The following RAB11FIP4 variants were observed in gnomAD, a reference collection of about 807,000 sequenced individuals.
RAB11FIP4 encodes the protein rab11 family-interacting protein 4.
A neutral mutation model predicts 74.3 loss-of-function variants in RAB11FIP4; 23 were observed. The observed-to-expected ratio is 0.31, with a 90% confidence interval of 0.22 to 0.44. The LOEUF is 0.44. Among genes scored for constraint, RAB11FIP4 ranks in the 20% least tolerant of loss-of-function variants. The pLI is 1.00. For synonymous variants in RAB11FIP4, 360 were observed against 359.9 expected, an observed-to-expected ratio of 1.00 and a Z score of 0.00; for missense variants, 630 against 863.9, an observed-to-expected ratio of 0.73 and a Z score of 3.39.
intron 1 of RAB11FIP4, among the ~76,000 whole-genome samples, chr17:31,397,472 A>G (rs2070941740): frequency 6.6e-6 from 1 of 152,154 alleles, no homozygotes; most frequent in Non-Finnish European, 1.5e-5. Context: ...AGACCAGGCA[A>G]CCTCTATGTG....
intron 3 of RAB11FIP4, among the ~76,000 whole-genome samples, chr17:31,475,338 G>A (rs931143686): frequency 1.3e-5 from 2 of 152,140 alleles, no homozygotes; most frequent in Non-Finnish European, 2.9e-5. Context: ...GCACTGGTGC[G>A]CTTCAAACCT....
chr17:31,411,001 T>A (rs1022154865), intron 1 of RAB11FIP4, among the ~76,000 whole-genome samples: 1 of 152,206 alleles, frequency 6.6e-6, no homozygotes, highest in East Asian at 1.9e-4. Flanking sequence ...CCCTCCCATC[T>A]TTCCACCCTG....
chr17:31,434,076 C>G lies in RAB11FIP4; in HGVS notation c.290C>G (p.Ala97Gly). 1 of 1,587,280 alleles carries G rather than the reference C, an allele frequency of 6.3e-7. No homozygotes were observed. Among genetic ancestry groups the G allele is most frequent in the East Asian group, 2.3e-5 (1 of 44,304 alleles). Reference protein sequence around the residue: ...LLKDVLSVESAGTLPCAPEIP... With the variant: ...LLKDVLSVESGGTLPCAPEIP... ...AAGGATGTGCTGTCGGTGGAGAGCGCGGGGACGCTGCCGTGCGCGCCAGAG... is the reference window on the plus strand; with the variant it reads ...AAGGATGTGCTGTCGGTGGAGAGCGGGGGGACGCTGCCGTGCGCGCCAGAG... The change falls in exon 3 of 15, where the codon GCG (alanine) becomes GGG (glycine). Residue 97 changes from alanine (A) to glycine (G), a missense_variant. Coordinates refer to ENST00000621161, the MANE Select transcript of RAB11FIP4 (RefSeq NM_032932.6).
At chr17:31,435,090 G>T (rs1195056686) in intron 3 of RAB11FIP4, among the ~76,000 whole-genome samples, 1 of 152,226 alleles carries the variant, frequency 6.6e-6, no homozygotes, top group African/African-American at 2.4e-5. Context: ...GGAGACTGAG[G>T]TGGGAGGAGC....
chr17:31,472,483 C>T (rs909264433), intron 3 of RAB11FIP4, among the ~76,000 whole-genome samples: 4 of 152,216 alleles, frequency 2.6e-5, no homozygotes, highest in African/African-American at 2.4e-5. Context: ...TCCTCACAAC[C>T]GGCCCAGGAT....
intron 10 of RAB11FIP4, chr17:31,527,125 G>A (rs1216124890): frequency 1.3e-5 from 2 of 152,380 alleles, no homozygotes; most frequent in Non-Finnish European, 1.5e-5. Flanking sequence ...GGCGGAGAAT[G>A]AAAAGCCAAT....
Position 31,437,416 on chromosome 17 carries a change from C to T in RAB11FIP4, c.336+3294C>T, listed in dbSNP as rs1195618984. ...ACTGGGCAGGTCCGAATTTCTCAGG[C>T]CCGGCTCTCTGCGCCCTGCTGTGTC... On this transcript the variant is annotated intron_variant, in intron 3 of 14. Coordinates refer to ENST00000621161, the MANE Select transcript of RAB11FIP4 (RefSeq NM_032932.6). Among the ~76,000 whole-genome samples the T allele has an allele frequency of 3.3e-5, 5 of 152,122 alleles. No individual in the cohort carries two copies. The East Asian group carries it at 9.6e-4, about 29-fold the overall frequency.
At chr17:31,405,520 C>T (rs1440241472) in intron 1 of RAB11FIP4, among the ~76,000 whole-genome samples, 1 of 152,128 alleles carries the variant, frequency 6.6e-6, no homozygotes, top group Non-Finnish European at 1.5e-5. Flanking sequence ...CAGGCATTTG[C>T]GCTGCCACAC....
chr17:31,445,572 A>T lies in RAB11FIP4; in HGVS notation c.336+11450A>T, dbSNP rs1567658371. ...TATATATATATATATATATATATAT[A>T]TATATATTTTTTTTTTTTTTTTTTT... On this transcript the variant is annotated intron_variant, in intron 3 of 14. Coordinates refer to ENST00000621161, the MANE Select transcript of RAB11FIP4 (RefSeq NM_032932.6). 1.6e-3 allele frequency among the ~76,000 whole-genome samples: 17 copies of T among 10,694 alleles called. 2 individuals carry two copies. Among genetic ancestry groups the T allele is most frequent in the African/African-American group, 4.4e-3 (10 of 2,258 alleles). 7.0% of individuals were successfully genotyped at this position (10,694 alleles called of 152,430 possible).
intron 5 of RAB11FIP4, 31 bp from the exon 6 acceptor site, chr17:31,521,879 CAGTTA>C: frequency 6.2e-7 from 1 of 1,612,970 alleles, no homozygotes; most frequent in Non-Finnish European, 8.5e-7. Flanking sequence ...GACTGGACAG[CAGTTA>C]AGGTGGTGAT....
Position 31,391,862 on chromosome 17 carries a change from G to A in RAB11FIP4, c.10G>A (p.Gly4Ser). 8.8e-7 allele frequency: 1 copy of A among 1,141,666 alleles called. No homozygotes were observed. The allele number at this position is 1,141,666 out of a possible 1,614,324, so 70.7% of individuals were successfully genotyped here. A position where few individuals can be genotyped will look rare whatever the true frequency, so the allele number is the denominator to read the frequency against. MAG[G>S]AGWSGAPAAL... Reference sequence around the variant, plus strand: ...CTGCGGGCCGGCCCGGATGGCGGGCGGCGCGGGCTGGTCGGGCGCCCCCGC... The same window carrying A: ...CTGCGGGCCGGCCCGGATGGCGGGCAGCGCGGGCTGGTCGGGCGCCCCCGC... Residue 4 changes from glycine (G) to serine (S), a missense_variant, in exon 1 of 15, where the codon GGC becomes AGC. Coordinates refer to ENST00000621161, the MANE Select transcript of RAB11FIP4 (RefSeq NM_032932.6).
intron 1 of RAB11FIP4, among the ~76,000 whole-genome samples, chr17:31,425,958 C>T (rs1042995363): frequency 3.9e-5 from 6 of 152,190 alleles, no homozygotes; most frequent in South Asian, 2.1e-4. Context: ...CCCCTCCCCC[C>T]GCTGGGACCT....
At chr17:31,510,880 G>A (rs1430776658) in intron 3 of RAB11FIP4, among the ~76,000 whole-genome samples, 1 of 152,290 alleles carries the variant, frequency 6.6e-6, no homozygotes, top group East Asian at 1.9e-4. Context: ...CAGTTTTGGG[G>A]TGTGGTGGTG....
intron 3 of RAB11FIP4, among the ~76,000 whole-genome samples, chr17:31,513,951 T>A (rs1208947016): frequency 6.6e-6 from 1 of 152,140 alleles, no homozygotes; most frequent in Non-Finnish European, 1.5e-5. Context: ...GAATCCCAGA[T>A]CTCTGCCCTG....
intron 3 of RAB11FIP4, among the ~76,000 whole-genome samples, chr17:31,513,831 G>A (rs2072496814): frequency 6.6e-6 from 1 of 152,066 alleles, no homozygotes; most frequent in African/African-American, 2.4e-5. Flanking sequence ...AGGACTTGGT[G>A]TGTCAGCCGG....
chr17:31,458,987 C>T (rs528933753), intron 3 of RAB11FIP4, among the ~76,000 whole-genome samples: 1 of 152,290 alleles, frequency 6.6e-6, no homozygotes, highest in East Asian at 1.9e-4. Context: ...CTCCAAGGGG[C>T]ACTATTATCA....
intron 7 of RAB11FIP4, chr17:31,523,298 G>A (rs1597981450): frequency 1.7e-6 from 1 of 587,976 alleles, no homozygotes; most frequent in Non-Finnish European, 3.1e-6. Context: ...GTGTCTGCCA[G>A]GGGACCCCGG....
At chr17:31,500,986 G>A (rs975566467) in intron 3 of RAB11FIP4, among the ~76,000 whole-genome samples, 1 of 150,932 alleles carries the variant, frequency 6.6e-6, no homozygotes, top group Non-Finnish European at 1.5e-5. Flanking sequence ...TCGTGCCACT[G>A]CACTCCAGCC....
chr17:31,448,704 A>G (rs1259029010), intron 3 of RAB11FIP4, among the ~76,000 whole-genome samples: 1 of 152,018 alleles, frequency 6.6e-6, no homozygotes, highest in Non-Finnish European at 1.5e-5. Flanking sequence ...GGCCTCAAGG[A>G]GGCCTGATTC....
Sources: allele counts gnomAD v4.1 joint callset (sites outside exome capture counted in the v4.1 genomes callset), GRCh38; gene constraint gnomAD v4.1.1; transcripts MANE v1.5; gene names NCBI Gene and HGNC (gene_info 2026-07-23, HGNC 2026-07-21).